RORA: variants seen among roughly 807,000 people sequenced by gnomAD.
The protein encoded by RORA is RAR related orphan receptor A.
In RORA, 7 loss-of-function variants were observed where a neutral mutation model predicts 69.5. That is an observed-to-expected ratio of 0.10 (90% CI 0.06 to 0.19). The LOEUF (loss-of-function observed/expected upper bound fraction) is 0.19, where lower values mean the gene tolerates loss of function less well. RORA is among the 10% of genes least tolerant of loss of function. The pLI is 1.00. For missense variants in RORA, 457 were observed against 663.0 expected, an observed-to-expected ratio of 0.69 and a Z score of 3.41; for synonymous variants, 261 against 240.8, an observed-to-expected ratio of 1.08 and a Z score of -0.78.
chr15:60,990,348 G>A (rs1470679012), intron 1 of RORA, among the ~76,000 whole-genome samples: 3 of 152,226 alleles, frequency 2.0e-5, no homozygotes, highest in East Asian at 1.9e-4. Flanking sequence ...TTATACTTGT[G>A]TCACATTATG....
chr15:60,929,497 GAGA>G (rs1382174324), intron 1 of RORA, among the ~76,000 whole-genome samples: 1 of 152,190 alleles, frequency 6.6e-6, no homozygotes, highest in Non-Finnish European at 1.5e-5. Context: ...TGCAAAAGGC[GAGA>G]AGGAGATAAT....
At chr15:60,641,597 G>C (rs1403952998) in intron 2 of RORA, among the ~76,000 whole-genome samples, 1 of 151,894 alleles carries the variant, frequency 6.6e-6, no homozygotes, top group African/African-American at 2.4e-5. Flanking sequence ...TTTTAGTAGA[G>C]ACGGGGTTTC....
intron 1 of RORA, among the ~76,000 whole-genome samples, chr15:60,874,673 A>ATTACAGAATTTATGGAATGAT (rs1394086293): frequency 6.6e-6 from 1 of 152,224 alleles, no homozygotes; most frequent in Non-Finnish European, 1.5e-5. Context: ...AAGTAGGGGT[A>ATTACAGAATTTATGGAATGAT]TTACAGAATT....
At chr15:60,831,698 C>T (rs139603741) in intron 1 of RORA, among the ~76,000 whole-genome samples, 141 of 152,288 alleles carry the variant, frequency 9.3e-4, no homozygotes, top group African/African-American at 3.1e-3. Flanking sequence ...TTTTTCATCA[C>T]GTCATTTCAC....
intron 1 of RORA, among the ~76,000 whole-genome samples, chr15:61,181,680 C>CA (rs749054081): frequency 0.052 from 2,962 of 56,542 alleles, 69 homozygotes; most frequent in East Asian, 0.18. Context: ...TTAGCTTTGG[C>CA]AAAAAAAAAA....
chr15:60,908,991 C>T (rs186696060), intron 1 of RORA, among the ~76,000 whole-genome samples: 11 of 152,138 alleles, frequency 7.2e-5, no homozygotes, highest in Non-Finnish European at 1.3e-4. Flanking sequence ...GTGGCTAAAC[C>T]TCTTTGTCAT....
At chr15:61,074,249 G>A (rs539441921) in intron 1 of RORA, among the ~76,000 whole-genome samples, 8 of 152,260 alleles carry the variant, frequency 5.3e-5, no homozygotes, top group African/African-American at 9.6e-5. Flanking sequence ...ATATATTTAC[G>A]TTACCCTTTG....
chr15:60,753,435 G>A (rs923061872), intron 1 of RORA, among the ~76,000 whole-genome samples: 1 of 152,216 alleles, frequency 6.6e-6, no homozygotes, highest in Non-Finnish European at 1.5e-5. Context: ...AGCCCTAGGA[G>A]CTTATGTCCT....
chr15:61,073,029 G>T (rs544646289), intron 1 of RORA, among the ~76,000 whole-genome samples: 2 of 152,184 alleles, frequency 1.3e-5, no homozygotes, highest in Non-Finnish European at 2.9e-5. Flanking sequence ...CTTTGAAAAC[G>T]GAGGGTTTCC....
intron 1 of RORA, among the ~76,000 whole-genome samples, chr15:60,776,858 C>T (rs546407242): frequency 1.3e-5 from 2 of 152,260 alleles, no homozygotes; most frequent in Admixed American, 1.3e-4. Context: ...TTTCCTTGCC[C>T]TATTTTTCCT....
chr15:60,916,178 G>A (rs774361962), intron 1 of RORA, among the ~76,000 whole-genome samples: 3 of 152,172 alleles, frequency 2.0e-5, no homozygotes, highest in Non-Finnish European at 2.9e-5. Flanking sequence ...TGTATGTGTC[G>A]TTTGACTGAT....
At position 60,711,876 on chromosome 15, in the gene RORA, G is replaced by T. The variant is rs150793633; in HGVS notation, c.167-33190C>A. On this transcript the variant is annotated intron_variant, in intron 1 of 10. Coordinates refer to ENST00000335670, the MANE Select transcript of RORA (RefSeq NM_134261.3). Reference sequence around the variant, plus strand: ...ATACCGCTACTGAAACAAATTATATGATAATAAAACAGCAAATTCCTTAGC... The same window carrying T: ...ATACCGCTACTGAAACAAATTATATTATAATAAAACAGCAAATTCCTTAGC... 8.6e-3 allele frequency among the ~76,000 whole-genome samples: 1,313 copies of T among 152,230 alleles called. 17 individuals carry two copies. The highest frequency in any genetic ancestry group is 0.03 in the African/African-American group (1,254 of 41,534).
chr15:60,726,761 A>G (rs1387301060), intron 1 of RORA, among the ~76,000 whole-genome samples: 1 of 152,200 alleles, frequency 6.6e-6, no homozygotes, highest in Non-Finnish European at 1.5e-5. Flanking sequence ...CTCATAAAAT[A>G]AAACCCTCTA....
intron 1 of RORA, among the ~76,000 whole-genome samples, chr15:61,110,252 G>A (rs971075410): frequency 1.3e-5 from 2 of 151,898 alleles, no homozygotes; most frequent in Non-Finnish European, 2.9e-5. Flanking sequence ...AAAAATTAGC[G>A]GGGCATGGTG....
chr15:60,706,571 A>G (rs2071065923), intron 1 of RORA, among the ~76,000 whole-genome samples: 1 of 152,182 alleles, frequency 6.6e-6, no homozygotes, highest in Admixed American at 6.5e-5. Flanking sequence ...ATAAATCACA[A>G]CCTGAGTCTT....
chr15:60,984,979 G>C (rs1894158172), intron 1 of RORA, among the ~76,000 whole-genome samples: 1 of 151,318 alleles, frequency 6.6e-6, no homozygotes, highest in Non-Finnish European at 1.5e-5. Context: ...GAAAGGTTTG[G>C]GCTACATTTA....
chr15:60,574,075 T>C (rs182020812), intron 2 of RORA, among the ~76,000 whole-genome samples: 2 of 152,292 alleles, frequency 1.3e-5, no homozygotes, highest in African/African-American at 2.4e-5. Flanking sequence ...TCTGGAACAA[T>C]GTGAGTTTCT....
At chr15:61,096,100 C>T (rs942193119) in intron 1 of RORA, among the ~76,000 whole-genome samples, 3 of 152,144 alleles carry the variant, frequency 2.0e-5, no homozygotes, top group Non-Finnish European at 4.4e-5. Context: ...AGAGCTGAGG[C>T]TTTGCAGATG....
intron 1 of RORA, among the ~76,000 whole-genome samples, chr15:60,798,644 G>A (rs1051877418): frequency 3.3e-5 from 5 of 151,970 alleles, no homozygotes; most frequent in African/African-American, 1.2e-4. Context: ...TGGAGCCATG[G>A]GAAGTGCCAG....
Sources: allele counts gnomAD v4.1 joint callset (sites outside exome capture counted in the v4.1 genomes callset), GRCh38; gene constraint gnomAD v4.1.1; transcripts MANE v1.5; gene names NCBI Gene and HGNC (gene_info 2026-07-23, HGNC 2026-07-21).